LRRC8D: variants seen among roughly 807,000 people sequenced by gnomAD.
LRRC8D encodes the protein volume-regulated anion channel subunit LRRC8D.
LRRC8D carries 20 observed loss-of-function variants against 55.8 expected under a neutral mutation model. The observed-to-expected ratio is 0.36, with a 90% confidence interval of 0.25 to 0.52. LRRC8D has a LOEUF of 0.52. LRRC8D is among the 20% of genes least tolerant of loss of function. The pLI is 0.93. For synonymous variants in LRRC8D, 352 were observed against 377.0 expected (o/e 0.93, Z 0.77); for missense variants, 651 against 1,030.8 (o/e 0.63, Z 5.05).
At chr1:89,862,733 A>C (rs1178482778) in intron 2 of LRRC8D, among the ~76,000 whole-genome samples, 1 of 152,210 alleles carries the variant, frequency 6.6e-6, no homozygotes, top group Non-Finnish European at 1.5e-5. Context: ...TTTCCAGAGC[A>C]CATGTTCATA....
At chr1:89,913,731 A>G (rs773758332) in intron 2 of LRRC8D, among the ~76,000 whole-genome samples, 4 of 152,224 alleles carry the variant, frequency 2.6e-5, no homozygotes, top group Non-Finnish European at 5.9e-5. Context: ...CTGAAAGATG[A>G]TATATTTTCT....
At chr1:89,837,943 T>C (rs1372062404) in intron 1 of LRRC8D, among the ~76,000 whole-genome samples, 1 of 152,232 alleles carries the variant, frequency 6.6e-6, no homozygotes, top group Non-Finnish European at 1.5e-5. Flanking sequence ...GTGTGACTTA[T>C]TCCTTATGAA....
intron 2 of LRRC8D, among the ~76,000 whole-genome samples, chr1:89,845,009 C>G (rs1453171214): frequency 1.3e-5 from 2 of 152,166 alleles, no homozygotes; most frequent in Admixed American, 1.3e-4. Context: ...GAAGATCTCT[C>G]CCTGTAGCAC....
chr1:89,914,231 A>G (rs1663199697), intron 2 of LRRC8D, among the ~76,000 whole-genome samples: 1 of 152,236 alleles, frequency 6.6e-6, no homozygotes, highest in African/African-American at 2.4e-5. Context: ...TTCAAGAATG[A>G]AGGGCTGGCC....
intron 1 of LRRC8D, among the ~76,000 whole-genome samples, chr1:89,827,869 A>T (rs968527683): frequency 6.6e-6 from 1 of 152,228 alleles, no homozygotes; most frequent in African/African-American, 2.4e-5. Flanking sequence ...ACTTTACAAG[A>T]TATAAATTCA....
chr1:89,839,257 G>T (rs1661075854), intron 1 of LRRC8D, among the ~76,000 whole-genome samples: 1 of 152,168 alleles, frequency 6.6e-6, no homozygotes, highest in South Asian at 2.1e-4. Context: ...GCCTGTGAGG[G>T]TTTGTCCTAT....
At chr1:89,850,846 A>C (rs1661398049) in intron 2 of LRRC8D, among the ~76,000 whole-genome samples, 1 of 152,200 alleles carries the variant, frequency 6.6e-6, no homozygotes, top group Non-Finnish European at 1.5e-5. Flanking sequence ...TTGATACATT[A>C]ATATAAATTT....
intron 2 of LRRC8D, among the ~76,000 whole-genome samples, chr1:89,929,036 A>G (rs1021567926): frequency 2.6e-4 from 40 of 152,360 alleles, no homozygotes; most frequent in African/African-American, 9.4e-4. Context: ...AGATCTCAAA[A>G]TCATTTCATT....
At chr1:89,831,643 A>G (rs1018046251) in intron 1 of LRRC8D, among the ~76,000 whole-genome samples, 7 of 152,186 alleles carry the variant, frequency 4.6e-5, no homozygotes, top group African/African-American at 1.7e-4. Flanking sequence ...CTATGTTGGC[A>G]GGGGGCAAAG....
intron 2 of LRRC8D, among the ~76,000 whole-genome samples, chr1:89,914,259 GGCCCACCAA>G (rs1663202792): frequency 6.6e-6 from 1 of 152,174 alleles, no homozygotes; most frequent in Admixed American, 6.5e-5. Flanking sequence ...CCGAGTGCGG[GGCCCACCAA>G]GCCCACGCCC....
chr1:89,822,515 C>A (rs1478680400), intron 1 of LRRC8D, among the ~76,000 whole-genome samples: 2 of 152,172 alleles, frequency 1.3e-5, no homozygotes, highest in Non-Finnish European at 2.9e-5. Context: ...GGAAACTTTC[C>A]TTGGCAGCTT....
chr1:89,905,035 A>G (rs1662956347), intron 2 of LRRC8D, among the ~76,000 whole-genome samples: 2 of 137,386 alleles, frequency 1.5e-5, no homozygotes, highest in African/African-American at 5.0e-5. Context: ...TAAAGGATTG[A>G]TAGTTTAAAA....
chr1:89,934,507 CG>C lies in LRRC8D; in HGVS notation c.1444del (p.Val482CysfsTer14). 2 of 1,614,126 alleles carry C rather than the reference CG, an allele frequency of 1.2e-6. No individual in the cohort carries two copies. Among genetic ancestry groups the C allele is most frequent in the Non-Finnish European group, 1.7e-6 (2 of 1,180,018 alleles). On this transcript the variant is annotated frameshift_variant, in exon 3 of 3. Transcript: ENST00000337338. LOFTEE classifies it high-confidence loss of function. The surrounding 1 kb of genome is among the most constrained non-coding windows in gnomAD (Gnocchi z 5.9). The stretch of plus-strand genomic sequence containing the variant: ...CAGGAGTTGCATCTGTTCATGCTGT[CG>C]GGGGTGCCCGATGCTGTCTTTGACC... ...DKQELHLFMLSGVPDAVFDLT... is the reference protein window; with the variant it reads ...DKQELHLFMLXGVPDAVFDLT...
At chr1:89,865,155 A>C (rs538131236) in intron 2 of LRRC8D, among the ~76,000 whole-genome samples, 1 of 152,138 alleles carries the variant, frequency 6.6e-6, no homozygotes, top group African/African-American at 2.4e-5. Flanking sequence ...CCCAGCACAC[A>C]GTAGGATCTC....
At chr1:89,902,284 G>C (rs893520628) in intron 2 of LRRC8D, among the ~76,000 whole-genome samples, 2 of 152,212 alleles carry the variant, frequency 1.3e-5, no homozygotes, top group African/African-American at 4.8e-5. Flanking sequence ...GTGCATATCT[G>C]AATAGCCTGC....
chr1:89,822,436 G>T (rs923187187), intron 1 of LRRC8D, among the ~76,000 whole-genome samples: 4 of 152,182 alleles, frequency 2.6e-5, no homozygotes, highest in Admixed American at 6.5e-5. Flanking sequence ...CCTGCTCTTG[G>T]ATCTTCAAAA....
chr1:89,852,520 A>T (rs1454878911), intron 2 of LRRC8D, among the ~76,000 whole-genome samples: 2 of 152,160 alleles, frequency 1.3e-5, no homozygotes, highest in Non-Finnish European at 2.9e-5. Context: ...AGTTCTGAGG[A>T]TGCAATGTGA....
At chr1:89,835,393 G>T (rs944444666) in intron 1 of LRRC8D, among the ~76,000 whole-genome samples, 6 of 152,206 alleles carry the variant, frequency 3.9e-5, no homozygotes, top group African/African-American at 1.4e-4. Flanking sequence ...TTTGCTTTTT[G>T]TCCTCTGTAA....
chr1:89,881,497 C>T (rs1326503131), intron 2 of LRRC8D, among the ~76,000 whole-genome samples: 1 of 152,160 alleles, frequency 6.6e-6, no homozygotes, highest in Admixed American at 6.5e-5. Context: ...GACTGATTTT[C>T]TCCAAACATG....
Sources: allele counts gnomAD v4.1 joint callset (sites outside exome capture counted in the v4.1 genomes callset), GRCh38; gene constraint gnomAD v4.1.1; non-coding constraint Gnocchi (gnomAD v3.1); transcripts MANE v1.5; gene names NCBI Gene and HGNC (gene_info 2026-07-23, HGNC 2026-07-21).